Variants in NONO observed in about 807,000 individuals in gnomAD.
The protein encoded by NONO is non-POU domain-containing octamer-binding protein.
NONO carries 6 observed loss-of-function variants against 40.2 expected under a neutral mutation model. That is an observed-to-expected ratio of 0.15 (90% confidence interval 0.08 to 0.29). NONO has a LOEUF of 0.29. Ranked by LOEUF, NONO falls within the 10% of genes least tolerant of loss-of-function variation. NONO has a pLI of 1.00. For missense variants in NONO, 133 were observed against 397.8 expected (o/e 0.33, Z 5.66); for synonymous variants, 89 against 123.3 (o/e 0.72, Z 1.85).
intron 2 of NONO, among the ~76,000 whole-genome samples, chrX:71,287,246 A>C (rs1172122724): frequency 9.1e-6 from 1 of 110,365 alleles, no homozygotes; most frequent in Non-Finnish European, 1.9e-5. Context: ...ATGCCCAGCT[A>C]ATTTTTGTGT....
intron 2 of NONO, among the ~76,000 whole-genome samples, chrX:71,286,903 A>C (rs2031201128): frequency 9.0e-6 from 1 of 111,547 alleles, no homozygotes; most frequent in Admixed American, 9.6e-5. Context: ...TTTCTTACTA[A>C]ACTTTTGGAT....
intron 6 of NONO, 85 bp from the exon 7 acceptor site, chrX:71,296,766 C>T: frequency 9.5e-7 from 1 of 1,047,198 alleles, no homozygotes; most frequent in East Asian, 3.0e-5. Flanking sequence ...TCACTGGCAG[C>T]CATTATCTTG....
At chrX:71,295,093 G>A (rs1324124867) in intron 5 of NONO, among the ~76,000 whole-genome samples, 2 of 108,625 alleles carry the variant, frequency 1.8e-5, no homozygotes, top group Admixed American at 9.9e-5. Context: ...CAAAATTAGC[G>A]CACATGTAGT....
chrX:71,294,862 C>G (rs914658519), intron 5 of NONO, among the ~76,000 whole-genome samples: 2 of 108,226 alleles, frequency 1.8e-5, no homozygotes, highest in African/African-American at 6.8e-5. Flanking sequence ...GAGGTTGCAG[C>G]GAGCTGAGAT....
chrX:71,288,487 G>A (rs1417774380), intron 2 of NONO, among the ~76,000 whole-genome samples: 1 of 111,786 alleles, frequency 8.9e-6, no homozygotes, highest in Non-Finnish European at 1.9e-5. Flanking sequence ...CGCCTCCCAG[G>A]TTCAAGTGAT....
At chrX:71,296,084 C>G (rs1339393926) in intron 5 of NONO, among the ~76,000 whole-genome samples, 1 of 109,852 alleles carries the variant, frequency 9.1e-6, no homozygotes, top group Non-Finnish European at 1.9e-5. Context: ...AGACTGTATT[C>G]AGAGATCTAA....
chrX:71,299,285 G>A lies in NONO; in HGVS notation c.1281+469G>A, dbSNP rs191828526. On this transcript the variant is annotated intron_variant, in intron 11 of 11. Coordinates refer to ENST00000276079, the MANE Select transcript of NONO (RefSeq NM_007363.5). ...CCCGCCTCGGTTTCCCAAAGTGCTG[G>A]GATTACTGGCGTGAGCCACCAAGCC... 3.6e-5 allele frequency among the ~76,000 whole-genome samples: 4 copies of A among 112,377 alleles called. No individual in the cohort carries two copies. The East Asian group carries it at 1.1e-3, about 32-fold the overall frequency.
intron 7 of NONO, 57 bp from the exon 8 acceptor site, chrX:71,297,320 A>G (rs929927995): frequency 3.7e-5 from 38 of 1,017,905 alleles, no homozygotes; most frequent in Non-Finnish European, 4.6e-5. Flanking sequence ...ATTTGAAGAA[A>G]GTCATTAGAT....
At chrX:71,286,912 A>T (rs2031201507) in intron 2 of NONO, among the ~76,000 whole-genome samples, 1 of 111,643 alleles carries the variant, frequency 9.0e-6, no homozygotes, top group Admixed American at 9.6e-5. Context: ...AAACTTTTGG[A>T]TACAGAATTT....
chrX:71,298,245 C>T, intron 9 of NONO: 1 of 445,933 alleles, frequency 2.2e-6, no homozygotes, highest in East Asian at 3.7e-5. Flanking sequence ...CAATCTCTTC[C>T]CCCTTTCACC....
At chrX:71,295,934 C>G (rs1441179094) in intron 5 of NONO, among the ~76,000 whole-genome samples, 2 of 111,390 alleles carry the variant, frequency 1.8e-5, no homozygotes, top group African/African-American at 6.5e-5. Flanking sequence ...TCTCTCTTTA[C>G]TTTGAAGATT....
intron 2 of NONO, among the ~76,000 whole-genome samples, chrX:71,289,599 A>T (rs1305851898): frequency 2.0e-5 from 2 of 100,851 alleles, no homozygotes; most frequent in South Asian, 8.8e-4. Context: ...CCAGATTTTT[A>T]TTTTTATTTT....
chrX:71,297,289 C>G, intron 7 of NONO, 88 bp from the exon 8 acceptor site: 1 of 917,905 alleles, frequency 1.1e-6, no homozygotes, highest in Non-Finnish European at 1.5e-6. Flanking sequence ...GAATTAGATC[C>G]TCTTTGCTTT....
intron 11 of NONO, 85 bp from the exon 12 acceptor site, chrX:71,299,857 A>G: frequency 9.0e-7 from 1 of 1,110,328 alleles, no homozygotes. Context: ...TTGAATGGAA[A>G]TAGCCTCCAG....
At chrX:71,293,294 A>G (rs1213735035) in intron 4 of NONO, among the ~76,000 whole-genome samples, 1 of 111,784 alleles carries the variant, frequency 8.9e-6, no homozygotes, top group Non-Finnish European at 1.9e-5. Context: ...ACCTAGCAAA[A>G]ATTAGACTGA....
At chrX:71,298,642 T>G (rs187802675) in intron 10 of NONO, 65 bp from the exon 11 acceptor site, 3 of 1,100,311 alleles carry the variant, frequency 2.7e-6, no homozygotes, top group Admixed American at 4.5e-5. Context: ...TTGAATTGTT[T>G]CCTTTGGCAT....
intron 4 of NONO, chrX:71,293,891 A>C (rs1005966391): frequency 4.8e-6 from 1 of 210,042 alleles, no homozygotes; most frequent in Non-Finnish European, 8.6e-6. Flanking sequence ...CGGCCTCCCA[A>C]AATTCTGGGA....
intron 5 of NONO, among the ~76,000 whole-genome samples, chrX:71,296,236 C>T (rs898555466): frequency 1.0e-4 from 11 of 105,610 alleles, no homozygotes; most frequent in African/African-American, 3.8e-4. Context: ...ACCTCTGTCT[C>T]CCGGGTCCAA....
chrX:71,286,770 C>T (rs1170070374), intron 2 of NONO, among the ~76,000 whole-genome samples: 1 of 111,701 alleles, frequency 9.0e-6, no homozygotes, highest in Non-Finnish European at 1.9e-5. Flanking sequence ...CCATAAAGGC[C>T]ATTACAATGA....
Sources: gnomAD v4.1 joint callset for allele counts (sites outside exome capture counted in the v4.1 genomes callset) on GRCh38, gnomAD v4.1.1 for gene constraint, MANE v1.5 for transcripts, NCBI Gene and HGNC (gene_info 2026-07-23, HGNC 2026-07-21) for gene names.